Variants in ANKUB1 observed in about 807,000 individuals in gnomAD.
The protein encoded by ANKUB1 is protein ANKUB1.
A neutral mutation model predicts 49.3 loss-of-function variants in ANKUB1; 42 were observed. That is an observed-to-expected ratio of 0.85 (90% CI 0.67 to 1.10). ANKUB1 has a LOEUF of 1.10. Ranked by LOEUF, ANKUB1 falls within the 50% of genes least tolerant of loss-of-function variation. The pLI is 0.00. For missense variants in ANKUB1, 613 were observed against 642.0 expected (o/e 0.95, Z 0.49); for synonymous variants, 222 against 231.0 (o/e 0.96, Z 0.35).
At chr3:149,789,462 T>A (rs1718260832) in intron 2 of ANKUB1, among the ~76,000 whole-genome samples, 5 of 152,180 alleles carry the variant, frequency 3.3e-5, no homozygotes, top group Admixed American at 3.3e-4. Context: ...GAATTTGGTC[T>A]GCTTTGAAAT....
chr3:149,785,787 G>A (rs907270687), intron 2 of ANKUB1, among the ~76,000 whole-genome samples: 7 of 151,788 alleles, frequency 4.6e-5, no homozygotes, highest in African/African-American at 1.5e-4. Flanking sequence ...GTAAAGAGAT[G>A]GCTGGGTCAA....
At chr3:149,790,695 TTATGG>T in intron 2 of ANKUB1, 81 bp downstream of exon 2, 1 of 1,317,402 alleles carries the variant, frequency 7.6e-7, no homozygotes, top group Non-Finnish European at 1.0e-6. Context: ...TCTTTTTAAG[TTATGG>T]AATTACTTTG....
intron 3 of ANKUB1, among the ~76,000 whole-genome samples, chr3:149,776,036 T>G (rs1717580876): frequency 6.6e-6 from 1 of 152,208 alleles, no homozygotes; most frequent in Non-Finnish European, 1.5e-5. Context: ...CATTAGATAT[T>G]CTACCACCAG....
chr3:149,789,795 A>G (rs1033000797), intron 2 of ANKUB1, among the ~76,000 whole-genome samples: 3 of 151,890 alleles, frequency 2.0e-5, no homozygotes, highest in Non-Finnish European at 2.9e-5. Context: ...ACGCGCAGCT[A>G]ATTTTTGTGT....
At chr3:149,762,980 G>A (rs1716841803) in intron 5 of ANKUB1, among the ~76,000 whole-genome samples, 1 of 152,164 alleles carries the variant, frequency 6.6e-6, no homozygotes, top group Admixed American at 6.5e-5. Context: ...TGCCCATGTT[G>A]TCTGGCAAAG....
chr3:149,785,216 T>C (rs1027723144), intron 2 of ANKUB1, among the ~76,000 whole-genome samples: 1 of 152,130 alleles, frequency 6.6e-6, no homozygotes, highest in African/African-American at 2.4e-5. Context: ...TCCGTAAGAG[T>C]TCTTTTCCAA....
At chr3:149,772,724 T>C in intron 3 of ANKUB1, among the ~76,000 whole-genome samples, 1 of 152,216 alleles carries the variant, frequency 6.6e-6, no homozygotes, top group East Asian at 1.9e-4. Context: ...CTGTGCCTGC[T>C]TTCCACAGTG....
chr3:149,780,628 T>C (rs1002485402), intron 2 of ANKUB1, among the ~76,000 whole-genome samples, 173 bp from the exon 3 acceptor site: 1 of 152,192 alleles, frequency 6.6e-6, no homozygotes, highest in Admixed American at 6.5e-5. Context: ...TGTCCTGAGA[T>C]ATTAACAGGT....
At chr3:149,761,976 G>A (rs985996393) in intron 5 of ANKUB1, among the ~76,000 whole-genome samples, 1 of 151,970 alleles carries the variant, frequency 6.6e-6, no homozygotes. Context: ...ACACACATGA[G>A]GATTTTTTAA....
chr3:149,791,363 G>T (rs1718349807), intron 1 of ANKUB1, among the ~76,000 whole-genome samples: 1 of 152,162 alleles, frequency 6.6e-6, no homozygotes, highest in African/African-American at 2.4e-5. Flanking sequence ...TGTTAATTAG[G>T]AAGTCCACAT....
chr3:149,785,949 C>T (rs974265239), intron 2 of ANKUB1, among the ~76,000 whole-genome samples: 10 of 152,162 alleles, frequency 6.6e-5, no homozygotes, highest in Admixed American at 1.3e-4. Flanking sequence ...TAATGATCAC[C>T]GTTCTAACTG....
intron 2 of ANKUB1, among the ~76,000 whole-genome samples, chr3:149,788,846 G>A (rs745378655): frequency 6.6e-6 from 1 of 151,724 alleles, no homozygotes; most frequent in Admixed American, 6.6e-5. Flanking sequence ...GGGTGATCTC[G>A]GCTCACTGTA....
At chr3:149,764,559 CT>C (rs1716909045) in intron 5 of ANKUB1, among the ~76,000 whole-genome samples, 1 of 150,528 alleles carries the variant, frequency 6.6e-6, no homozygotes, top group African/African-American at 2.5e-5. Context: ...CTTCCTTTCC[CT>C]TCCTTCCTTC....
intron 5 of ANKUB1, among the ~76,000 whole-genome samples, chr3:149,766,371 T>C (rs1717013008): frequency 6.6e-6 from 1 of 152,224 alleles, no homozygotes; most frequent in Non-Finnish European, 1.5e-5. Flanking sequence ...CATTACCATT[T>C]AGTTTTCTAT....
intron 4 of ANKUB1, among the ~76,000 whole-genome samples, chr3:149,770,019 C>A (rs1717257517): frequency 6.6e-6 from 1 of 151,398 alleles, no homozygotes; most frequent in African/African-American, 2.4e-5. Context: ...CCCCCTCAGC[C>A]TTATTCAACC....
Position 149,767,791 on chromosome 3 carries a change from AT to A in ANKUB1, c.870del (p.Leu291TyrfsTer20). 6.4e-7 allele frequency: 1 copy of A among 1,551,764 alleles called. No homozygotes were observed. Among genetic ancestry groups the A allele is most frequent in the African/African-American group, 1.4e-5 (1 of 73,186 alleles). ...GACCACATTTTACTGAGCAAATATA[AT>A]ACACAGTCTTTATGCTTGTGTTTGA... ...IVFKHKHKDC[V>X]LYLLSKMWST... On this transcript the variant is annotated frameshift_variant, in exon 5 of 6. Transcript: ENST00000446160. LOFTEE classifies it high-confidence loss of function.
chr3:149,789,307 G>T (rs1359734330), intron 2 of ANKUB1, among the ~76,000 whole-genome samples: 2 of 152,048 alleles, frequency 1.3e-5, no homozygotes, highest in Non-Finnish European at 2.9e-5. Flanking sequence ...CCATCTCTAA[G>T]CAAGCAAACA....
In ANKUB1 at chr3:149,761,630, T is replaced by C. The variant is rs1034889166; in HGVS notation, c.1506-17A>G. The C allele has an allele frequency of 6.5e-6, 10 of 1,549,794 alleles. No homozygotes were observed. Among genetic ancestry groups the C allele is most frequent in the Non-Finnish European group, 7.9e-6 (9 of 1,146,230 alleles). On this transcript the variant is annotated splice_polypyrimidine_tract_variant and intron_variant, in intron 5 of 5. Coordinates refer to ENST00000446160, the MANE Select transcript of ANKUB1 (RefSeq NM_001144960.3). ...TTAAAGGCACTGCAAGAAAACAAGATATAATTTGTAAGGAGGTCTGATCTT... is the reference window on the plus strand; with the variant it reads ...TTAAAGGCACTGCAAGAAAACAAGACATAATTTGTAAGGAGGTCTGATCTT...
At position 149,780,241 on chromosome 3, in the gene ANKUB1, A is replaced by G; in HGVS notation, c.449T>C (p.Ile150Thr). ...ATATCAAATATACTGGGCAGTACCA[A>G]TATCAGTCTGGTAGTCCTTGAGGGT... is the stretch of plus-strand genomic sequence containing the variant. ...CNTLKDYQTDIGTTLRLDVWD... is the reference protein window; with the variant it reads ...CNTLKDYQTDTGTTLRLDVWD... The change falls in exon 3 of 6, where the codon ATT (isoleucine) becomes ACT (threonine). Residue 150 changes from isoleucine (I) to threonine (T), a missense_variant and splice_region_variant. Physicochemically the swap from Ile to Thr is moderately conservative, Grantham distance 89. Coordinates refer to ENST00000446160, the MANE Select transcript of ANKUB1 (RefSeq NM_001144960.3). 2.6e-6 allele frequency: 4 copies of G among 1,551,568 alleles called. No individual in the cohort carries two copies. Among genetic ancestry groups the G allele is most frequent in the Non-Finnish European group, 3.5e-6 (4 of 1,146,856 alleles).
Sources: allele counts gnomAD v4.1 joint callset (sites outside exome capture counted in the v4.1 genomes callset), GRCh38; gene constraint gnomAD v4.1.1; transcripts MANE v1.5; gene names NCBI Gene and HGNC (gene_info 2026-07-23, HGNC 2026-07-21).